MINDY4: variants seen among roughly 807,000 people sequenced by gnomAD.
The protein encoded by MINDY4 is probable ubiquitin carboxyl-terminal hydrolase MINDY-4.
In MINDY4, 68 loss-of-function variants were observed where a neutral mutation model predicts 87.0. The observed-to-expected ratio is 0.78, with a 90% CI of 0.64 to 0.96. MINDY4 has a LOEUF of 0.96. MINDY4 is among the 40% of genes least tolerant of loss of function. The probability of loss-of-function intolerance (pLI) is 0.00; values close to 1 mark genes in which losing one functional copy is unlikely to be tolerated. For missense variants in MINDY4, 919 were observed against 928.2 expected, an observed-to-expected ratio of 0.99 and a Z score of 0.13; for synonymous variants, 379 against 363.2, an observed-to-expected ratio of 1.04 and a Z score of -0.50.
At chr7:30,839,128 A>C in intron 7 of MINDY4, 72 bp from the exon 8 acceptor site, 1 of 938,382 alleles carries the variant, frequency 1.1e-6, no homozygotes, top group Non-Finnish European at 1.6e-6. Flanking sequence ...CTTCTGCAGG[A>C]ATATGCACAC....
chr7:30,773,980 C>G (rs533511620), intron 1 of MINDY4, among the ~76,000 whole-genome samples: 1 of 152,258 alleles, frequency 6.6e-6, no homozygotes, highest in South Asian at 2.1e-4. Flanking sequence ...CAGTAAAATT[C>G]CACTCGTCCT....
intron 5 of MINDY4, among the ~76,000 whole-genome samples, chr7:30,817,382 T>TA (rs1417228348): frequency 9.9e-5 from 15 of 151,900 alleles, no homozygotes; most frequent in Admixed American, 2.0e-4. Flanking sequence ...TTTTTTTTTT[T>TA]TTTTAGCATT....
intron 9 of MINDY4, among the ~76,000 whole-genome samples, chr7:30,850,195 G>A (rs1789365955): frequency 6.6e-6 from 1 of 152,122 alleles, no homozygotes; most frequent in African/African-American, 2.4e-5. Context: ...TTGCTCCTGT[G>A]GGCCCTTTCC....
chr7:30,793,136 ATATT>A (rs1371612076), intron 5 of MINDY4, among the ~76,000 whole-genome samples: 3 of 114,734 alleles, frequency 2.6e-5, no homozygotes, highest in African/African-American at 1.2e-4. Context: ...ATTTATATAT[ATATT>A]ATATATATTG....
chr7:30,851,418 G>A (rs1789409722), intron 10 of MINDY4, among the ~76,000 whole-genome samples: 1 of 152,134 alleles, frequency 6.6e-6, no homozygotes, highest in African/African-American at 2.4e-5. Context: ...TCAGTATAAA[G>A]AAATGATATA....
intron 14 of MINDY4, among the ~76,000 whole-genome samples, chr7:30,873,848 C>T (rs969317257): frequency 1.3e-5 from 2 of 152,168 alleles, no homozygotes; most frequent in African/African-American, 2.4e-5. Flanking sequence ...CTGCCCCTGA[C>T]GTGCATTATT....
chr7:30,836,973 CAAAAGG>C (rs930449874), intron 7 of MINDY4, among the ~76,000 whole-genome samples: 2 of 152,120 alleles, frequency 1.3e-5, no homozygotes, highest in African/African-American at 4.8e-5. Flanking sequence ...CTCTCCAAGA[CAAAAGG>C]TGAGGGAGGA....
intron 12 of MINDY4, among the ~76,000 whole-genome samples, chr7:30,853,983 C>T (rs537788013): frequency 3.9e-5 from 6 of 152,238 alleles, no homozygotes; most frequent in African/African-American, 9.6e-5. Flanking sequence ...GGAGCCCCCC[C>T]GCCTGCCAGA....
chr7:30,883,735 G>A (rs1790544576), intron 17 of MINDY4, among the ~76,000 whole-genome samples: 1 of 152,206 alleles, frequency 6.6e-6, no homozygotes, highest in South Asian at 2.1e-4. Flanking sequence ...AGAGGCCTCA[G>A]CGTGCATGAG....
chr7:30,785,714 G>C, intron 3 of MINDY4, 35 bp from the exon 4 acceptor site: 5 of 1,610,968 alleles, frequency 3.1e-6, no homozygotes, highest in Non-Finnish European at 3.4e-6. Context: ...TCCTTTTGGG[G>C]AGTCTGTTTT....
In MINDY4 at chr7:30,850,533, CGA is replaced by C. The variant is rs1160687462; in HGVS notation, c.1533_1534del (p.Arg511SerfsTer36). ...AGACATTGTGTGGCGGGCAGGGGGC[CGA>C]GAGAGAGCCGTTGTTGCACTGTAAG... ...LADIVWRAGGRERAVVALASR... is the reference protein window; with the variant it reads ...LADIVWRAGGXERAVVALASR... On this transcript the variant is annotated frameshift_variant, in exon 10 of 18. Coordinates refer to ENST00000265299, the MANE Select transcript of MINDY4 (RefSeq NM_032222.3). LOFTEE classifies it high-confidence loss of function. The C allele has an allele frequency of 6.2e-7, 1 of 1,606,716 alleles. No homozygotes were observed. Among genetic ancestry groups the C allele is most frequent in the Non-Finnish European group, 8.5e-7 (1 of 1,176,646 alleles).
At chr7:30,881,984 G>C (rs1244246838) in intron 15 of MINDY4, among the ~76,000 whole-genome samples, 197 bp from the exon 16 acceptor site, 2 of 152,172 alleles carry the variant, frequency 1.3e-5, no homozygotes, top group African/African-American at 4.8e-5. Flanking sequence ...AGCAGCAGCA[G>C]GTGGGGTGGC....
intron 17 of MINDY4, among the ~76,000 whole-genome samples, chr7:30,888,568 C>T (rs762312325): frequency 1.1e-4 from 16 of 152,282 alleles, no homozygotes; most frequent in Admixed American, 2.0e-4. Flanking sequence ...TGTGCCTGTC[C>T]GCAGTTGTTG....
Position 30,882,262 on chromosome 7 carries a change from C to G in MINDY4, c.2053C>G (p.Gln685Glu), listed in dbSNP as rs780291607. The change falls in exon 16 of 18, where the codon CAG (glutamine) becomes GAG (glutamate). Residue 685 changes from glutamine to glutamate, a missense_variant. Gln to Glu is a conservative substitution (Grantham distance 29, BLOSUM62 2). Coordinates refer to ENST00000265299, the MANE Select transcript of MINDY4 (RefSeq NM_032222.3). ...ESHFSILFSL[Q>E]PGLLRDWRTE... Reference sequence around the variant, plus strand: ...CCACTTCAGCATCCTCTTTAGCCTGCAGCCGGGGCTCCTGCGTGACTGGAG... The same window carrying G: ...CCACTTCAGCATCCTCTTTAGCCTGGAGCCGGGGCTCCTGCGTGACTGGAG... 14 of 1,613,882 alleles carry G rather than the reference C, an allele frequency of 8.7e-6. No homozygotes were observed. The highest frequency in any genetic ancestry group is 1.0e-5 in the Non-Finnish European group (12 of 1,179,902).
intron 5 of MINDY4, among the ~76,000 whole-genome samples, chr7:30,828,358 A>G (rs1345734129): frequency 6.6e-6 from 1 of 151,426 alleles, no homozygotes; most frequent in East Asian, 1.9e-4. Flanking sequence ...GTTTCCCAGA[A>G]GTATTGCAGT....
chr7:30,881,819 G>A (rs1192732458), intron 15 of MINDY4, among the ~76,000 whole-genome samples: 1 of 152,206 alleles, frequency 6.6e-6, no homozygotes, highest in African/African-American at 2.4e-5. Flanking sequence ...GGTCACTGCC[G>A]TGGTGCAGGT....
In MINDY4 at chr7:30,882,901, G is replaced by A. The variant is rs774123245; in HGVS notation, c.2153-20G>A. The A allele has an allele frequency of 1.9e-6, 3 of 1,612,954 alleles. No homozygotes were observed. Among genetic ancestry groups the A allele is most frequent in the Middle Eastern group, 1.7e-4 (1 of 6,058 alleles). ...GCAGGGCCCTGGGTGACATGTGTGTGCCTCTCTCCTCCTTCCCAGACACCA... is the reference window on the plus strand; with the variant it reads ...GCAGGGCCCTGGGTGACATGTGTGTACCTCTCTCCTCCTTCCCAGACACCA... On this transcript the variant is annotated intron_variant, in intron 16 of 17. Transcript: ENST00000265299.
chr7:30,791,153 TACTCCCTTTA>T lies in MINDY4; in HGVS notation c.664-11_664-2del. 4.4e-6 allele frequency: 7 copies of T among 1,592,920 alleles called. No individual in the cohort carries two copies. The highest frequency in any genetic ancestry group is 6.0e-6 in the Non-Finnish European group (7 of 1,165,820). On this transcript the variant is annotated splice_acceptor_variant and splice_polypyrimidine_tract_variant and intron_variant, in intron 4 of 17. Coordinates refer to ENST00000265299, the MANE Select transcript of MINDY4 (RefSeq NM_032222.3). LOFTEE classifies it high-confidence loss of function. ...AAAGGGTCCTCACTGCTTTTGTCCT[TACTCCCTTTA>T]GGATTCTTTTCACAGACACTATCTG... is the stretch of plus-strand genomic sequence containing the variant.
intron 5 of MINDY4, among the ~76,000 whole-genome samples, chr7:30,803,657 C>T (rs1408352299): frequency 6.6e-6 from 1 of 152,136 alleles, no homozygotes; most frequent in African/African-American, 2.4e-5. Context: ...ATATTCATCA[C>T]TCTTCTGTGC....
Sources: allele counts gnomAD v4.1 joint callset (sites outside exome capture counted in the v4.1 genomes callset), GRCh38; gene constraint gnomAD v4.1.1; transcripts MANE v1.5; gene names NCBI Gene and HGNC (gene_info 2026-07-23, HGNC 2026-07-21).